LEPR: variants seen among roughly 807,000 people sequenced by gnomAD.
The protein encoded by LEPR is OB receptor.
LEPR carries 56 observed loss-of-function variants against 114.7 expected under a neutral mutation model. The ratio of observed to expected loss-of-function variants is 0.49; its 90% CI spans 0.39 to 0.61. LEPR has a LOEUF of 0.61. Ranked by LOEUF, LEPR falls within the 20% of genes least tolerant of loss-of-function variation. LEPR has a pLI of 0.00. For missense variants in LEPR, 1,202 were observed against 1,352.9 expected, an observed-to-expected ratio of 0.89 and a Z score of 1.75; for synonymous variants, 443 against 461.4, an observed-to-expected ratio of 0.96 and a Z score of 0.51.
intron 2 of LEPR, among the ~76,000 whole-genome samples, chr1:65,537,223 A>G (rs1650840179): frequency 6.6e-6 from 1 of 152,176 alleles, no homozygotes; most frequent in African/African-American, 2.4e-5. Context: ...GTGAGTAGCT[A>G]TTTTCTCTGA....
intron 2 of LEPR, among the ~76,000 whole-genome samples, chr1:65,447,540 T>C (rs1646729021): frequency 6.6e-6 from 1 of 151,456 alleles, no homozygotes; most frequent in South Asian, 2.1e-4. Context: ...TTTTCTTTTT[T>C]TTTTTTTTTG....
At chr1:65,631,397 A>G (rs932067540) in intron 19 of LEPR, among the ~76,000 whole-genome samples, 21 of 152,050 alleles carry the variant, frequency 1.4e-4, no homozygotes, top group Non-Finnish European at 2.9e-5. Context: ...CGGCAGGGCT[A>G]ATTTTCTTTC....
At chr1:65,501,043 A>T (rs1557626700) in intron 2 of LEPR, among the ~76,000 whole-genome samples, 1 of 152,152 alleles carries the variant, frequency 6.6e-6, no homozygotes, top group Non-Finnish European at 1.5e-5. Flanking sequence ...TAACCTGCAT[A>T]GAGTAGTTGA....
intron 2 of LEPR, among the ~76,000 whole-genome samples, chr1:65,522,803 T>C (rs1649699507): frequency 6.6e-6 from 1 of 151,206 alleles, no homozygotes; most frequent in African/African-American, 2.4e-5. Context: ...GTGATCTCAT[T>C]AATTTCCTTT....
intron 2 of LEPR, among the ~76,000 whole-genome samples, chr1:65,449,438 G>A (rs1055895249): frequency 2.6e-5 from 4 of 151,998 alleles, no homozygotes; most frequent in Non-Finnish European, 4.4e-5. Flanking sequence ...CCTCCCTCTC[G>A]GACCCTGGGG....
intron 10 of LEPR, among the ~76,000 whole-genome samples, chr1:65,602,551 A>G (rs1656515081): frequency 6.6e-6 from 1 of 152,022 alleles, no homozygotes; most frequent in South Asian, 2.1e-4. Context: ...TTCTAAAATC[A>G]TTTTATCTAA....
chr1:65,587,233 C>A (rs1444729092), intron 5 of LEPR, among the ~76,000 whole-genome samples: 1 of 151,986 alleles, frequency 6.6e-6, no homozygotes, highest in Non-Finnish European at 1.5e-5. Context: ...AAGCATAATA[C>A]CTTGCAAGAA....
At chr1:65,475,626 G>T (rs2100430238) in intron 2 of LEPR, among the ~76,000 whole-genome samples, 1 of 152,280 alleles carries the variant, frequency 6.6e-6, no homozygotes, top group East Asian at 1.9e-4. Flanking sequence ...GTCTTTGGCT[G>T]CTCACAGCTT....
intron 2 of LEPR, among the ~76,000 whole-genome samples, chr1:65,450,045 A>G (rs904381019): frequency 2.6e-5 from 4 of 152,184 alleles, no homozygotes; most frequent in Non-Finnish European, 4.4e-5. Flanking sequence ...TTTAATCTCC[A>G]TGTATTTTGG....
chr1:65,550,458 G>A (rs1008174764), intron 2 of LEPR, among the ~76,000 whole-genome samples: 3 of 152,236 alleles, frequency 2.0e-5, no homozygotes, highest in African/African-American at 4.8e-5. Flanking sequence ...TTGAGCTGTG[G>A]TGGGCTCCAC....
At chr1:65,564,252 G>C (rs1228143752) in intron 2 of LEPR, among the ~76,000 whole-genome samples, 1 of 150,670 alleles carries the variant, frequency 6.6e-6, no homozygotes, top group African/African-American at 2.4e-5. Flanking sequence ...ATATAATCTC[G>C]TGGTGCGCCG....
chr1:65,545,670 T>G (rs189161481), intron 2 of LEPR, among the ~76,000 whole-genome samples: 10 of 152,394 alleles, frequency 6.6e-5, no homozygotes, highest in African/African-American at 2.4e-4. Flanking sequence ...CTTCTTCTTG[T>G]AAATTAGTTT....
intron 2 of LEPR, among the ~76,000 whole-genome samples, chr1:65,501,032 T>A (rs1457367165): frequency 6.6e-6 from 1 of 152,128 alleles, no homozygotes; most frequent in Non-Finnish European, 1.5e-5. Flanking sequence ...TAGATATGAT[T>A]TAACCTGCAT....
At chr1:65,626,308 A>T in intron 19 of LEPR, 2 of 1,310,380 alleles carry the variant, frequency 1.5e-6, no homozygotes, top group Non-Finnish European at 2.0e-6. Flanking sequence ...AGTTCTGGTA[A>T]ATTAAAGAAA....
intron 19 of LEPR, chr1:65,626,382 A>G: frequency 8.8e-7 from 1 of 1,130,684 alleles, no homozygotes; most frequent in Non-Finnish European, 1.1e-6. Flanking sequence ...ATTTTTTAAA[A>G]ATCTCTGGAA....
At chr1:65,605,436 C>G (rs548961633) in intron 11 of LEPR, among the ~76,000 whole-genome samples, 199 bp downstream of exon 11, 1 of 152,060 alleles carries the variant, frequency 6.6e-6, no homozygotes, top group Non-Finnish European at 1.5e-5. Context: ...TTATAGCAGA[C>G]TTTTTTTAGC....
chr1:65,454,470 C>T (rs1399351158), intron 2 of LEPR, among the ~76,000 whole-genome samples: 2 of 152,012 alleles, frequency 1.3e-5, no homozygotes, highest in African/African-American at 4.8e-5. Flanking sequence ...TCATTTAGGG[C>T]AGGCCTGGTG....
intron 2 of LEPR, among the ~76,000 whole-genome samples, chr1:65,474,735 C>T (rs1210603848): frequency 1.3e-5 from 2 of 152,194 alleles, no homozygotes; most frequent in Admixed American, 6.5e-5. Context: ...AGGCCAGGTG[C>T]GGTGGCTCAT....
intron 2 of LEPR, among the ~76,000 whole-genome samples, chr1:65,458,243 C>T (rs1646901890): frequency 1.3e-5 from 2 of 152,162 alleles, no homozygotes; most frequent in African/African-American, 4.8e-5. Context: ...CCTAGAGTCA[C>T]CATAGTGGTA....
Sources: gnomAD v4.1 joint callset for allele counts (sites outside exome capture counted in the v4.1 genomes callset) on GRCh38, gnomAD v4.1.1 for gene constraint, MANE v1.5 for transcripts, NCBI Gene and HGNC (gene_info 2026-07-23, HGNC 2026-07-21) for gene names.